PTPRD: variants seen among roughly 807,000 people sequenced by gnomAD.
PTPRD encodes the protein protein tyrosine phosphatase receptor type D.
In PTPRD, 34 loss-of-function variants were observed where a neutral mutation model predicts 214.5. The observed-to-expected ratio is 0.16, with a 90% CI of 0.12 to 0.21. The LOEUF is 0.21. PTPRD is among the 10% of genes least tolerant of loss of function. The pLI, the probability that PTPRD is intolerant of heterozygous loss-of-function variation, is 1.00. For synonymous variants in PTPRD, 1,128 were observed against 845.7 expected, an observed-to-expected ratio of 1.33 and a Z score of -5.79; for missense variants, 2,545 against 2,398.7, an observed-to-expected ratio of 1.06 and a Z score of -1.27.
At chr9:10,225,771 T>C (rs1594746446) in intron 3 of PTPRD, among the ~76,000 whole-genome samples, 1 of 152,068 alleles carries the variant, frequency 6.6e-6, no homozygotes, top group East Asian at 1.9e-4. Flanking sequence ...CCATAAATAA[T>C]GCTATTTCCT....
At chr9:9,534,648 T>C (rs1235128974) in intron 8 of PTPRD, among the ~76,000 whole-genome samples, 2 of 152,102 alleles carry the variant, frequency 1.3e-5, no homozygotes, top group East Asian at 3.9e-4. Flanking sequence ...TAACGCTTTT[T>C]AAAGTTCACT....
At chr9:10,393,023 A>T (rs1028764833) in intron 2 of PTPRD, among the ~76,000 whole-genome samples, 16 of 151,732 alleles carry the variant, frequency 1.1e-4, no homozygotes, top group African/African-American at 3.4e-4. Context: ...ATTGTGAGCC[A>T]TATTCTAGCT....
intron 8 of PTPRD, among the ~76,000 whole-genome samples, chr9:9,503,689 G>A (rs1192016192): frequency 6.6e-6 from 1 of 151,706 alleles, no homozygotes; most frequent in African/African-American, 2.4e-5. Context: ...TCAAAGTAGA[G>A]TCACTTGTGT....
intron 9 of PTPRD, among the ~76,000 whole-genome samples, chr9:9,282,111 G>T (rs1282062839): frequency 6.6e-6 from 1 of 151,224 alleles, no homozygotes; most frequent in Non-Finnish European, 1.5e-5. Context: ...AAGGAAGAAT[G>T]AATAGGTGAA....
At chr9:8,792,057 C>T (rs540538866) in intron 11 of PTPRD, among the ~76,000 whole-genome samples, 18 of 151,966 alleles carry the variant, frequency 1.2e-4, no homozygotes, top group African/African-American at 2.4e-4. Flanking sequence ...TTCTTAAGGG[C>T]GGAAAAAAAG....
At chr9:10,465,447 C>G (rs992590521) in intron 2 of PTPRD, among the ~76,000 whole-genome samples, 1 of 152,078 alleles carries the variant, frequency 6.6e-6, no homozygotes, top group African/African-American at 2.4e-5. Flanking sequence ...AATATATAGG[C>G]TTACCACAAT....
intron 8 of PTPRD, among the ~76,000 whole-genome samples, chr9:9,431,091 G>T (rs1402622889): frequency 6.6e-6 from 1 of 152,198 alleles, no homozygotes; most frequent in Non-Finnish European, 1.5e-5. Flanking sequence ...CACAGCAAAA[G>T]AAACTACCAT....
At chr9:10,237,821 T>C (rs1287644136) in intron 3 of PTPRD, among the ~76,000 whole-genome samples, 2 of 151,994 alleles carry the variant, frequency 1.3e-5, no homozygotes, top group East Asian at 1.9e-4. Flanking sequence ...ATAGTGTCCA[T>C]GTTGGACCAG....
At chr9:9,585,939 C>T (rs2091869089) in intron 7 of PTPRD, among the ~76,000 whole-genome samples, 1 of 151,972 alleles carries the variant, frequency 6.6e-6, no homozygotes, top group Non-Finnish European at 1.5e-5. Flanking sequence ...GTAGAGCAAC[C>T]TATGTGTTTG....
At chr9:8,634,433 T>C (rs2096362911) in intron 13 of PTPRD, among the ~76,000 whole-genome samples, 1 of 152,046 alleles carries the variant, frequency 6.6e-6, no homozygotes, top group South Asian at 2.1e-4. Flanking sequence ...TATATATTTA[T>C]GGGGTGCTTA....
chr9:8,682,711 T>C (rs1267174541), intron 12 of PTPRD, among the ~76,000 whole-genome samples: 3 of 152,154 alleles, frequency 2.0e-5, no homozygotes, highest in African/African-American at 7.2e-5. Context: ...TTAAGGAGGC[T>C]GAAATGGGGG....
At chr9:9,858,350 T>C (rs1205045916) in intron 5 of PTPRD, among the ~76,000 whole-genome samples, 2 of 152,158 alleles carry the variant, frequency 1.3e-5, no homozygotes, top group African/African-American at 2.4e-5. Context: ...CAAACACCTT[T>C]CCAGAAAATA....
intron 7 of PTPRD, among the ~76,000 whole-genome samples, chr9:9,612,681 A>G (rs1214461409): frequency 6.6e-6 from 1 of 152,138 alleles, no homozygotes; most frequent in Non-Finnish European, 1.5e-5. Flanking sequence ...AATCTTTGAA[A>G]AAAAAGGAAT....
In PTPRD at chr9:9,378,951, G is replaced by A. The variant is rs372886788; in HGVS notation, c.-203+18498C>T. ...AAATATTTTCTTTTTCCATTCTGTGGCTTATCTTCTCATTCTCTTGACATT... is the reference window on the plus strand; with the variant it reads ...AAATATTTTCTTTTTCCATTCTGTGACTTATCTTCTCATTCTCTTGACATT... On this transcript the variant is annotated intron_variant, in intron 9 of 45. Coordinates refer to ENST00000381196, the MANE Select transcript of PTPRD (RefSeq NM_002839.4). Among the ~76,000 whole-genome samples the A allele has an allele frequency of 3.3e-3, 500 of 151,448 alleles. 7 individuals carry two copies. Among genetic ancestry groups the A allele is most frequent in the African/African-American group, 0.011 (473 of 41,318 alleles).
At chr9:8,684,258 A>C (rs749257126) in intron 12 of PTPRD, among the ~76,000 whole-genome samples, 3 of 152,230 alleles carry the variant, frequency 2.0e-5, no homozygotes, top group Non-Finnish European at 4.4e-5. Context: ...CTGCAAAATA[A>C]AAACAAGTAT....
At chr9:9,346,493 A>G (rs1388402075) in intron 9 of PTPRD, among the ~76,000 whole-genome samples, 1 of 152,160 alleles carries the variant, frequency 6.6e-6, no homozygotes, top group Non-Finnish European at 1.5e-5. Context: ...GTACTTATTT[A>G]TGAGTGATGC....
chr9:9,229,941 T>C (rs914455947), intron 9 of PTPRD, among the ~76,000 whole-genome samples: 2 of 152,190 alleles, frequency 1.3e-5, no homozygotes, highest in Non-Finnish European at 2.9e-5. Context: ...TAGATAATAC[T>C]AGATTCATTG....
intron 3 of PTPRD, among the ~76,000 whole-genome samples, chr9:10,075,614 G>T (rs1181692771): frequency 6.6e-6 from 1 of 151,690 alleles, no homozygotes; most frequent in Admixed American, 6.6e-5. Context: ...GTGCATAGAA[G>T]GCACTCAGTA....
intron 2 of PTPRD, among the ~76,000 whole-genome samples, chr9:10,407,786 A>C (rs1240811799): frequency 4.0e-5 from 6 of 151,618 alleles, no homozygotes; most frequent in Non-Finnish European, 3.0e-5. Flanking sequence ...ATTTCTAATA[A>C]AATGGTAACC....
Sources: allele counts gnomAD v4.1 joint callset (sites outside exome capture counted in the v4.1 genomes callset), GRCh38; gene constraint gnomAD v4.1.1; transcripts MANE v1.5; gene names NCBI Gene and HGNC (gene_info 2026-07-23, HGNC 2026-07-21).